Variants in PPP1R13B observed in about 807,000 individuals in gnomAD.
The protein encoded by PPP1R13B is apoptosis-stimulating of p53 protein 1.
Under a neutral mutation model 119.8 loss-of-function variants are expected in PPP1R13B, and 44 were observed. The ratio of observed to expected loss-of-function variants is 0.37; its 90% CI spans 0.29 to 0.47. The LOEUF is 0.47. Ranked by LOEUF, PPP1R13B falls within the 20% of genes least tolerant of loss-of-function variation. The pLI, the probability that PPP1R13B is intolerant of heterozygous loss-of-function variation, is 0.99. For missense variants in PPP1R13B, 1,227 were observed against 1,413.5 expected (o/e 0.87, Z 2.12); for synonymous variants, 542 against 561.5 (o/e 0.97, Z 0.49).
intron 1 of PPP1R13B, among the ~76,000 whole-genome samples, chr14:103,806,153 G>T (rs1202022006): frequency 1.3e-5 from 2 of 152,312 alleles, no homozygotes; most frequent in East Asian, 3.9e-4. Flanking sequence ...CCTTAGCTAT[G>T]GCATTGACTG....
intron 4 of PPP1R13B, among the ~76,000 whole-genome samples, chr14:103,760,807 C>T (rs2084786166): frequency 6.6e-6 from 1 of 152,168 alleles, no homozygotes; most frequent in African/African-American, 2.4e-5. Context: ...CCCACCCTGA[C>T]CCCAGCATGA....
chr14:103,753,584 G>A (rs963089076), intron 6 of PPP1R13B, among the ~76,000 whole-genome samples: 3 of 152,146 alleles, frequency 2.0e-5, no homozygotes, highest in African/African-American at 4.8e-5. Flanking sequence ...GAAAAAAAGT[G>A]AGCATCAGCA....
At chr14:103,835,888 G>A (rs960940716) in intron 1 of PPP1R13B, among the ~76,000 whole-genome samples, 3 of 151,704 alleles carry the variant, frequency 2.0e-5, no homozygotes, top group Non-Finnish European at 1.5e-5. Flanking sequence ...GATTACAGGC[G>A]TGAGCCACTG....
intron 2 of PPP1R13B, among the ~76,000 whole-genome samples, chr14:103,790,221 G>A (rs2085581677): frequency 6.7e-6 from 1 of 149,620 alleles, no homozygotes; most frequent in Non-Finnish European, 1.5e-5. Context: ...ACTCCAGCCT[G>A]GGATACAGAG....
chr14:103,809,201 G>C (rs1286432648), intron 1 of PPP1R13B, among the ~76,000 whole-genome samples: 1 of 152,024 alleles, frequency 6.6e-6, no homozygotes, highest in Non-Finnish European at 1.5e-5. Flanking sequence ...AAGTTAAATA[G>C]CCACTACAAT....
Position 103,734,363 on chromosome 14 carries a change from G to T in PPP1R13B, c.*791C>A, listed in dbSNP as rs902818790. The T allele has an allele frequency of 1.6e-5, 6 of 382,016 alleles. No individual in the cohort carries two copies. The highest frequency in any genetic ancestry group is 3.2e-5 in the Non-Finnish European group (6 of 188,518). 23.7% of individuals were successfully genotyped at this position (382,016 alleles called of 1,614,324 possible). ...CCACCCTCCGCTGCCACGGCCTCCA[G>T]CACCTGACTCCATTCAGGGAACTGA... On this transcript the variant is annotated 3_prime_UTR_variant, in exon 17 of 17. Transcript: ENST00000202556.
chr14:103,812,436 T>A (rs925483385), intron 1 of PPP1R13B, among the ~76,000 whole-genome samples: 8 of 151,632 alleles, frequency 5.3e-5, no homozygotes, highest in African/African-American at 1.9e-4. Flanking sequence ...TTCTGTGTTT[T>A]TGAGACACAG....
At chr14:103,802,797 T>C (rs1045781907) in intron 1 of PPP1R13B, among the ~76,000 whole-genome samples, 20 of 152,226 alleles carry the variant, frequency 1.3e-4, no homozygotes, top group African/African-American at 4.8e-4. Flanking sequence ...TGACAGGTTG[T>C]AAATCTGGAT....
At chr14:103,810,405 A>G (rs1281740351) in intron 1 of PPP1R13B, among the ~76,000 whole-genome samples, 1 of 152,028 alleles carries the variant, frequency 6.6e-6, no homozygotes, top group Non-Finnish European at 1.5e-5. Flanking sequence ...CAAAAATAAT[A>G]AAAAATTAAA....
chr14:103,826,899 C>T (rs2086558334), intron 1 of PPP1R13B, among the ~76,000 whole-genome samples: 1 of 151,722 alleles, frequency 6.6e-6, no homozygotes, highest in Admixed American at 6.6e-5. Context: ...GTAGTCCCAG[C>T]TACTGGGGAG....
chr14:103,844,914 T>C (rs10137566), intron 1 of PPP1R13B, among the ~76,000 whole-genome samples: 5,092 of 152,242 alleles, frequency 0.033, 279 homozygotes, highest in African/African-American at 0.12. Context: ...TGTCACCGGA[T>C]TCACACCAGA....
chr14:103,736,119 A>G lies in PPP1R13B; in HGVS notation c.3115T>C (p.Ser1039Pro). ...GTGAGGGCGTCCCCTTCGTGGAAGG[A>G]CAGCTCGTCACTGTTCTGGGCCTCG... ...DYEAQNSDEL[S>P]FHEGDALTIL... Residue 1039 changes from serine to proline, a missense_variant, in exon 16 of 17, where the codon TCC becomes CCC. Coordinates refer to ENST00000202556, the MANE Select transcript of PPP1R13B (RefSeq NM_015316.3). 1 of 1,614,192 alleles carries G rather than the reference A, an allele frequency of 6.2e-7. No individual in the cohort carries two copies. Among genetic ancestry groups the G allele is most frequent in the African/African-American group, 1.3e-5 (1 of 75,040 alleles).
intron 4 of PPP1R13B, among the ~76,000 whole-genome samples, chr14:103,770,163 G>A (rs2085033228): frequency 1.3e-5 from 2 of 151,896 alleles, no homozygotes; most frequent in Admixed American, 1.3e-4. Flanking sequence ...AAAGTGCTGG[G>A]TTTACAGGTG....
chr14:103,753,729 C>T (rs189085712), intron 6 of PPP1R13B, among the ~76,000 whole-genome samples: 3 of 152,248 alleles, frequency 2.0e-5, no homozygotes, highest in East Asian at 1.9e-4. Flanking sequence ...TTTTCTACTG[C>T]GTCTGAGGGC....
At chr14:103,846,896 C>A in intron 1 of PPP1R13B, 6 of 790,506 alleles carry the variant, frequency 7.6e-6, no homozygotes, top group Admixed American at 2.5e-5. Flanking sequence ...GTGGGAACTC[C>A]GGGCGCGGGT....
At chr14:103,789,692 TTAG>T (rs895882172) in intron 2 of PPP1R13B, among the ~76,000 whole-genome samples, 13 of 151,932 alleles carry the variant, frequency 8.6e-5, no homozygotes, top group Admixed American at 5.3e-4. Context: ...TTTTGTGTTT[TTAG>T]TAGAGACAGA....
chr14:103,794,071 G>C (rs1444449223), intron 2 of PPP1R13B, among the ~76,000 whole-genome samples: 2 of 152,154 alleles, frequency 1.3e-5, no homozygotes, highest in Admixed American at 6.5e-5. Context: ...AAGAGAGAGA[G>C]AGTCTTCAGA....
At position 103,824,743 on chromosome 14, in the gene PPP1R13B, G is replaced by A. The variant is rs2086497501; in HGVS notation, c.9+22556C>T. On this transcript the variant is annotated intron_variant, in intron 1 of 16. Coordinates refer to ENST00000202556, the MANE Select transcript of PPP1R13B (RefSeq NM_015316.3). ...AAATGAGTGTCTTTAAGTCCACAGTGCCTATGATCATGTGGGTATATAATA... is the reference window on the plus strand; with the variant it reads ...AAATGAGTGTCTTTAAGTCCACAGTACCTATGATCATGTGGGTATATAATA... Among the ~76,000 whole-genome samples, 4 of 151,336 alleles carry A rather than the reference G, an allele frequency of 2.6e-5. No individual in the cohort carries two copies. In the South Asian group the frequency reaches 8.3e-4, roughly 32 times the overall value.
intron 1 of PPP1R13B, among the ~76,000 whole-genome samples, chr14:103,802,487 T>C (rs1299913015): frequency 6.6e-6 from 1 of 152,208 alleles, no homozygotes; most frequent in African/African-American, 2.4e-5. Flanking sequence ...GGAATCGGTT[T>C]TTCTTCCTTG....
Sources: allele counts gnomAD v4.1 joint callset (sites outside exome capture counted in the v4.1 genomes callset), GRCh38; gene constraint gnomAD v4.1.1; transcripts MANE v1.5; gene names NCBI Gene and HGNC (gene_info 2026-07-23, HGNC 2026-07-21).